The following AURKAIP1 variants were observed in gnomAD, a reference collection of about 807,000 sequenced individuals.
The protein encoded by AURKAIP1 is small ribosomal subunit protein bS22, mitochondrial.
AURKAIP1 carries 20 observed loss-of-function variants against 18.4 expected under a neutral mutation model. That is an observed-to-expected ratio of 1.09 (90% confidence interval 0.77 to 1.58). AURKAIP1 has a LOEUF of 1.58. Ranked by LOEUF, AURKAIP1 falls within the 40% of genes most tolerant of loss-of-function variation. The pLI, the probability that AURKAIP1 is intolerant of heterozygous loss-of-function variation, is 0.00. For missense variants in AURKAIP1, 319 were observed against 270.7 expected (o/e 1.18, Z -1.25); for synonymous variants, 156 against 120.8 (o/e 1.29, Z -1.91).
Position 1,374,238 on chromosome 1 carries a change from A to C in AURKAIP1, c.260T>G (p.Leu87Arg), listed in dbSNP as rs989111106. 1 of 1,611,814 alleles carries C rather than the reference A, an allele frequency of 6.2e-7. No homozygotes were observed. The highest frequency in any genetic ancestry group is 1.3e-5 in the African/African-American group (1 of 74,936). The stretch of plus-strand genomic sequence containing the variant: ...CACAGTCCCTGCGGTCCCGGTATCC[A>C]GTCTGGGCAGGAAGCAGCGGGCCGT... ...WLTARCFLPRLDTGTAGTVAP... is the reference protein window; with the variant it reads ...WLTARCFLPRRDTGTAGTVAP... Residue 87 changes from leucine (L) to arginine (R), a missense_variant, in exon 3 of 4, where the codon CTG (leucine) becomes CGG (arginine). Physicochemically the swap from Leu to Arg is moderately radical, Grantham distance 102 (BLOSUM62 -2). Transcript: ENST00000338338.
intron 1 of AURKAIP1, 35 bp from the exon 2 acceptor site, chr1:1,374,825 G>T: frequency 6.8e-7 from 1 of 1,465,818 alleles, no homozygotes. Context: ...TCAGGCGGCA[G>T]CGCCTTCAGT....
chr1:1,374,853 G>T, intron 1 of AURKAIP1, 63 bp from the exon 2 acceptor site: 2 of 1,179,592 alleles, frequency 1.7e-6, no homozygotes, highest in Non-Finnish European at 2.3e-6. Context: ...GGCGGGCCGG[G>T]ACTGGGGCGT....
At position 1,374,050 on chromosome 1, in the gene AURKAIP1, T is replaced by A; in HGVS notation, c.448A>T (p.Thr150Ser). 1 of 1,607,600 alleles carries A rather than the reference T, an allele frequency of 6.2e-7. No individual in the cohort carries two copies. The highest frequency in any genetic ancestry group is 8.5e-7 in the Non-Finnish European group (1 of 1,176,206). ...TGGACCTTCCTCCGCAGGAACCGCG[T>A]CTTCTTCACCAGCTTCCGGTACTTG... ...HHKYRKLVKK[T>S]RFLRRKVQEG... Residue 150 changes from threonine to serine, a missense_variant, in exon 3 of 4, where the codon ACG (threonine) becomes TCG (serine). Coordinates refer to ENST00000338338, the MANE Select transcript of AURKAIP1 (RefSeq NM_017900.3).
chr1:1,374,115 T>C lies in AURKAIP1; in HGVS notation c.383A>G (p.Lys128Arg), dbSNP rs781737581. 3.5e-5 allele frequency: 57 copies of C among 1,613,436 alleles called. No individual in the cohort carries two copies. Among genetic ancestry groups the C allele is most frequent in the Non-Finnish European group, 4.3e-5 (51 of 1,179,858 alleles). The stretch of plus-strand genomic sequence containing the variant: ...CCGCCGGCGGATCTTCAGCACGTTT[T>C]TGCACTGAATTTGAGGCGCATCCGC... ...GVADAPQIQCKNVLKIRRRKM... is the reference protein window; with the variant it reads ...GVADAPQIQCRNVLKIRRRKM... The change falls in exon 3 of 4, where the codon AAA (lysine) becomes AGA (arginine). Residue 128 changes from lysine (K) to arginine (R), a missense_variant. Lys to Arg is a conservative substitution (Grantham distance 26, BLOSUM62 2). Transcript: ENST00000338338.
At position 1,374,311 on chromosome 1, in the gene AURKAIP1, TCTC is replaced by T; in HGVS notation, c.184_186del (p.Glu62del). 1 of 1,584,514 alleles carries T rather than the reference TCTC, an allele frequency of 6.3e-7. No homozygotes were observed. Among genetic ancestry groups the T allele is most frequent in the Non-Finnish European group, 8.6e-7 (1 of 1,167,026 alleles). On this transcript the variant is annotated inframe_deletion, in exon 3 of 4. Coordinates refer to ENST00000338338, the MANE Select transcript of AURKAIP1 (RefSeq NM_017900.3). ...ACGGACATCTTCCTGGGGACCAGCATCTCCTCCAGCTCCAGCTGGGCCCCCTTG... is the reference window on the plus strand; with the variant it reads ...ACGGACATCTTCCTGGGGACCAGCATCTCCAGCTCCAGCTGGGCCCCCTTG...
chr1:1,374,782 C>T lies in AURKAIP1; in HGVS notation c.-26G>A, dbSNP rs1485027356. ...GGTCTGTGGGCGGCGGCCACAGGTC[C>T]CAGGGGAGCTGGAACACAAGTGCCC... On this transcript the variant is annotated 5_prime_UTR_variant, in exon 2 of 4. Coordinates refer to ENST00000338338, the MANE Select transcript of AURKAIP1 (RefSeq NM_017900.3). The T allele has an allele frequency of 6.5e-7, 1 of 1,550,266 alleles. No homozygotes were observed. Among genetic ancestry groups the T allele is most frequent in the Admixed American group, 2.0e-5 (1 of 51,048 alleles).
chr1:1,374,805 C>T lies in AURKAIP1; in HGVS notation c.-34-15G>A, dbSNP rs1158445030. ...TCCCAGGGGAGCTGGAACACAAGTG[C>T]CCGTTCAGGTCAGGCGGCAGCGCCT... On this transcript the variant is annotated splice_polypyrimidine_tract_variant and intron_variant, in intron 1 of 3. Coordinates refer to ENST00000338338, the MANE Select transcript of AURKAIP1 (RefSeq NM_017900.3). 8 of 1,533,352 alleles carry T rather than the reference C, an allele frequency of 5.2e-6. No homozygotes were observed. The South Asian group carries it at 7.2e-5, about 14-fold the overall frequency. 95.0% of individuals were successfully genotyped at this position (1,533,352 alleles called of 1,614,324 possible).
intron 1 of AURKAIP1, 35 bp downstream of exon 1, chr1:1,375,119 C>T (rs905373645): frequency 1.3e-5 from 3 of 230,744 alleles, no homozygotes; most frequent in African/African-American, 7.0e-5. Context: ...CGCCCGGCGC[C>T]CTCAGGCCTC....
chr1:1,374,498 C>T, intron 2 of AURKAIP1, 53 bp from the exon 3 acceptor site: 1 of 1,423,082 alleles, frequency 7.0e-7, no homozygotes, highest in Non-Finnish European at 9.2e-7. Context: ...ACAGGCCCGT[C>T]GGGTTGAGGA....
At position 1,374,423 on chromosome 1, in the gene AURKAIP1, G is replaced by A. The variant is rs9554; in HGVS notation, c.75C>T (p.Val25=). The change falls in exon 3 of 4, where the codon GTC becomes GTT. Residue 25 remains valine (V), a synonymous_variant. Coordinates refer to ENST00000338338, the MANE Select transcript of AURKAIP1 (RefSeq NM_017900.3). ...AGACCCGGCTGCCCAGCACTCCAGA[G>A]ACGGGCCAAGGCGGGCGGCCGCCTG... is the stretch of plus-strand genomic sequence containing the variant. ...PWAGGRPPWP[V]SGVLGSRVCG... 77 of 1,457,662 alleles carry A rather than the reference G, an allele frequency of 5.3e-5. No individual in the cohort carries two copies. Among genetic ancestry groups the A allele is most frequent in the Middle Eastern group, 1.9e-4 (1 of 5,380 alleles). 90.3% of individuals were successfully genotyped at this position (1,457,662 alleles called of 1,614,324 possible). A position where few individuals can be genotyped will look rare whatever the true frequency, so the allele number is the denominator to read the frequency against.
At chr1:1,374,681 A>G in intron 2 of AURKAIP1, 24 bp downstream of exon 2, 1 of 1,553,242 alleles carries the variant, frequency 6.4e-7, no homozygotes, top group Non-Finnish European at 8.7e-7. Flanking sequence ...GCATCCTCCC[A>G]TCCGCCCCCG....
chr1:1,373,927 G>C, intron 3 of AURKAIP1, 25 bp from the exon 4 acceptor site: 2 of 1,608,872 alleles, frequency 1.2e-6, no homozygotes, highest in East Asian at 4.5e-5. Context: ...GAGAGGGACC[G>C]CCAAGTAATT....
intron 2 of AURKAIP1, 119 bp downstream of exon 2, chr1:1,374,586 G>T: frequency 7.2e-7 from 1 of 1,392,200 alleles, no homozygotes; most frequent in Non-Finnish European, 9.9e-7. Context: ...TGTGAGCATC[G>T]GAAGCTTAGA....
chr1:1,374,435 C>A lies in AURKAIP1; in HGVS notation c.63G>T (p.Pro21=). Residue 21 remains proline, a synonymous_variant, in exon 3 of 4, where the codon CCG becomes CCT. Coordinates refer to ENST00000338338, the MANE Select transcript of AURKAIP1 (RefSeq NM_017900.3). ...CCAGCACTCCAGAGACGGGCCAAGG[C>A]GGGCGGCCGCCTGCAGAAAACCAGA... The part of the protein sequence containing the change: ...LRAVPWAGGR[P]PWPVSGVLGS... The A allele has an allele frequency of 6.9e-7, 1 of 1,447,506 alleles. No homozygotes were observed. The highest frequency in any genetic ancestry group is 1.4e-5 in the South Asian group (1 of 69,536). 89.7% of individuals were successfully genotyped at this position (1,447,506 alleles called of 1,614,324 possible). A position where few individuals can be genotyped will look rare whatever the true frequency, so the allele number is the denominator to read the frequency against.
rs778871858 is a variant in AURKAIP1 at position 1,373,846 on chromosome 1, G to A, written c.555C>T (p.Ala185=). 25 of 1,602,970 alleles carry A rather than the reference G, an allele frequency of 1.6e-5. No individual in the cohort carries two copies. The highest frequency in any genetic ancestry group is 2.0e-5 in the Non-Finnish European group (24 of 1,179,476). ...TCTTGGGGGTCTGCCAGCCTTCGGG[G>A]GCTTCCTTTAGCCCCGCCTTCAGCC... is the stretch of plus-strand genomic sequence containing the variant. ...RIWLKAGLKE[A]PEGWQTPKIY... is the part of the protein sequence containing the mutation. Residue 185 remains alanine (A), a synonymous_variant, in exon 4 of 4, where the codon GCC becomes GCT. Coordinates refer to ENST00000338338, the MANE Select transcript of AURKAIP1 (RefSeq NM_017900.3).
Position 1,374,110 on chromosome 1 carries a change from C to A in AURKAIP1, c.388G>T (p.Val130Leu). 6.2e-7 allele frequency: 1 copy of A among 1,612,936 alleles called. No individual in the cohort carries two copies. Among genetic ancestry groups the A allele is most frequent in the African/African-American group, 1.3e-5 (1 of 75,052 alleles). Reference sequence around the variant, plus strand: ...ATCTTCCGCCGGCGGATCTTCAGCACGTTTTTGCACTGAATTTGAGGCGCA... The same window carrying A: ...ATCTTCCGCCGGCGGATCTTCAGCAAGTTTTTGCACTGAATTTGAGGCGCA... ...ADAPQIQCKN[V>L]LKIRRRKMNH... Residue 130 changes from valine to leucine, a missense_variant, in exon 3 of 4, where the codon GTG becomes TTG. By Grantham distance (32) the Val-to-Leu change is conservative (BLOSUM62 1). Coordinates refer to ENST00000338338, the MANE Select transcript of AURKAIP1 (RefSeq NM_017900.3).
rs373071568 is a variant in AURKAIP1 at position 1,374,068 on chromosome 1, G to A, written c.430C>T (p.Arg144Trp). Residue 144 changes from arginine (R) to tryptophan (W), a missense_variant, in exon 3 of 4, where the codon CGG becomes TGG. Transcript: ENST00000338338. ...RRRKMNHHKYRKLVKKTRFLR... is the reference protein window; with the variant it reads ...RRRKMNHHKYWKLVKKTRFLR... ...AACCGCGTCTTCTTCACCAGCTTCC[G>A]GTACTTGTGGTGGTTCATCTTCCGC... The A allele has an allele frequency of 1.2e-5, 19 of 1,608,992 alleles. No homozygotes were observed. The highest frequency in any genetic ancestry group is 1.6e-4 in the Middle Eastern group (1 of 6,064).
rs748379016 is a variant in AURKAIP1, at chr1:1,374,173, C to T, written c.325G>A (p.Gly109Arg). 1.3e-5 allele frequency: 21 copies of T among 1,613,946 alleles called. No individual in the cohort carries two copies. The highest frequency in any genetic ancestry group is 1.7e-5 in the Admixed American group (1 of 60,028). ...TCATCCCCCTGCTCGGCCCCTTCCC[C>T]TATCTGGCTGGGCGGACACTGGTAG... is the stretch of plus-strand genomic sequence containing the variant. ...QSYQCPPSQI[G>R]EGAEQGDEGV... Residue 109 changes from glycine (G) to arginine (R), a missense_variant, in exon 3 of 4, where the codon GGG becomes AGG. Gly to Arg is a moderately radical substitution (Grantham distance 125, BLOSUM62 -2). Transcript: ENST00000338338.
At position 1,373,900 on chromosome 1, in the gene AURKAIP1, G is replaced by C; in HGVS notation, c.501C>G (p.Ile167Met). The C allele has an allele frequency of 6.2e-7, 1 of 1,609,044 alleles. No individual in the cohort carries two copies. The highest frequency in any genetic ancestry group is 8.5e-7 in the Non-Finnish European group (1 of 1,179,996). The stretch of plus-strand genomic sequence containing the variant: ...TGCGCCTCAGGTCTTTCTCGAACTT[G>C]ATCTGCAAGACGCAGAGAGAGGGAC... ...VQEGRLRRKQIKFEKDLRRIW... is the reference protein window; with the variant it reads ...VQEGRLRRKQMKFEKDLRRIW... Residue 167 changes from isoleucine (I) to methionine (M), a missense_variant and splice_region_variant, in exon 4 of 4, where the codon ATC becomes ATG. Physicochemically the swap from Ile to Met is conservative, Grantham distance 10. Coordinates refer to ENST00000338338, the MANE Select transcript of AURKAIP1 (RefSeq NM_017900.3).
Sources: allele counts gnomAD v4.1 joint callset, GRCh38; gene constraint gnomAD v4.1.1; transcripts MANE v1.5; gene names NCBI Gene and HGNC (gene_info 2026-07-23, HGNC 2026-07-21).